The following EXOC6B variants were observed in gnomAD, a reference collection of about 807,000 sequenced individuals.
EXOC6B encodes the protein exocyst complex component 6B.
In EXOC6B, 54 loss-of-function variants were observed where a neutral mutation model predicts 113.5. That is an observed-to-expected ratio of 0.48 (90% CI 0.38 to 0.60). The LOEUF is 0.60. Among genes scored for constraint, EXOC6B ranks in the 20% least tolerant of loss-of-function variants. EXOC6B has a pLI of 0.00. For synonymous variants in EXOC6B, 357 were observed against 339.0 expected, an observed-to-expected ratio of 1.05 and a Z score of -0.58; for missense variants, 797 against 977.5, an observed-to-expected ratio of 0.82 and a Z score of 2.46.
chr2:72,413,312 CA>C (rs1206746598), intron 18 of EXOC6B, among the ~76,000 whole-genome samples: 4 of 151,826 alleles, frequency 2.6e-5, no homozygotes, highest in African/African-American at 9.7e-5. Flanking sequence ...GGAGTTATTA[CA>C]ACACAGGTTT....
intron 8 of EXOC6B, among the ~76,000 whole-genome samples, chr2:72,528,278 T>C (rs942076788): frequency 3.3e-5 from 5 of 152,100 alleles, no homozygotes; most frequent in Non-Finnish European, 7.4e-5. Flanking sequence ...ATCACGCTCA[T>C]TCTCGCTCTC....
intron 18 of EXOC6B, among the ~76,000 whole-genome samples, chr2:72,401,822 A>G (rs1229587407): frequency 6.7e-6 from 1 of 149,178 alleles, no homozygotes; most frequent in East Asian, 2.0e-4. Context: ...ATTATAGCAT[A>G]AATACAAAAA....
chr2:72,190,110 A>C (rs906895595), intron 20 of EXOC6B, among the ~76,000 whole-genome samples: 1 of 149,792 alleles, frequency 6.7e-6, no homozygotes, highest in East Asian at 2.0e-4. Context: ...AGCTCACTGC[A>C]GCCTAGAACT....
At chr2:72,562,881 A>G (rs1703965574) in intron 7 of EXOC6B, among the ~76,000 whole-genome samples, 1 of 152,168 alleles carries the variant, frequency 6.6e-6, no homozygotes, top group Non-Finnish European at 1.5e-5. Flanking sequence ...GTAGCCACAA[A>G]TAGTATATTC....
At chr2:72,307,019 T>C (rs1686903858) in intron 20 of EXOC6B, among the ~76,000 whole-genome samples, 1 of 152,200 alleles carries the variant, frequency 6.6e-6, no homozygotes, top group African/African-American at 2.4e-5. Context: ...AACCTCCTAG[T>C]GTGTTTTCCC....
chr2:72,338,138 C>G (rs1688801629), intron 19 of EXOC6B, among the ~76,000 whole-genome samples: 1 of 152,110 alleles, frequency 6.6e-6, no homozygotes, highest in Non-Finnish European at 1.5e-5. Flanking sequence ...GCTCTATGGG[C>G]TTACACAATT....
intron 18 of EXOC6B, among the ~76,000 whole-genome samples, chr2:72,404,005 C>T (rs1473668510): frequency 6.6e-6 from 1 of 152,154 alleles, no homozygotes; most frequent in African/African-American, 2.4e-5. Context: ...CAGGTCACTC[C>T]CACCCTAATA....
chr2:72,353,550 T>A (rs1050552140), intron 19 of EXOC6B, among the ~76,000 whole-genome samples: 9 of 152,016 alleles, frequency 5.9e-5, no homozygotes, highest in African/African-American at 2.2e-4. Context: ...TTTTTTGTAC[T>A]TTTAGTAGAG....
chr2:72,575,639 G>A lies in EXOC6B; in HGVS notation c.699C>T (p.Ile233=), dbSNP rs764910482. Residue 233 remains isoleucine (I), a synonymous_variant, in exon 7 of 22, where the codon ATC becomes ATT. Coordinates refer to ENST00000272427, the MANE Select transcript of EXOC6B (RefSeq NM_015189.3). ...QAQQQRNLDN[I]VLQQPRIGSK... Reference sequence around the variant, plus strand: ...TACCTATTCTGGGTTGTTGCAAGACGATGTTATCCAGGTTTCTTTGCTGCT... The same window carrying A: ...TACCTATTCTGGGTTGTTGCAAGACAATGTTATCCAGGTTTCTTTGCTGCT... The A allele has an allele frequency of 2.9e-5, 46 of 1,601,256 alleles. No individual in the cohort carries two copies. Among genetic ancestry groups the A allele is most frequent in the Admixed American group, 2.3e-4 (13 of 57,522 alleles).
intron 6 of EXOC6B, among the ~76,000 whole-genome samples, chr2:72,601,261 C>A (rs1670422147): frequency 6.6e-6 from 1 of 151,922 alleles, no homozygotes; most frequent in Admixed American, 6.6e-5. Flanking sequence ...CAGCTCACTG[C>A]AAGCTCCACC....
At chr2:72,771,424 T>C (rs1245185932) in intron 1 of EXOC6B, among the ~76,000 whole-genome samples, 5 of 152,302 alleles carry the variant, frequency 3.3e-5, no homozygotes, top group Non-Finnish European at 7.4e-5. Flanking sequence ...CTATAGTCTG[T>C]ACCTCCTCTC....
intron 2 of EXOC6B, among the ~76,000 whole-genome samples, chr2:72,734,030 C>A (rs868200577): frequency 3.3e-5 from 5 of 152,252 alleles, no homozygotes; most frequent in Admixed American, 2.0e-4. Flanking sequence ...AACACACACA[C>A]AAATACACAC....
intron 18 of EXOC6B, among the ~76,000 whole-genome samples, chr2:72,408,362 CTACTT>C (rs1693928347): frequency 6.6e-6 from 1 of 152,160 alleles, no homozygotes; most frequent in South Asian, 2.1e-4. Context: ...TTGGAAAAAA[CTACTT>C]TAAAGTTCAT....
intron 6 of EXOC6B, among the ~76,000 whole-genome samples, chr2:72,647,656 C>A (rs1415204015): frequency 1.3e-5 from 2 of 152,094 alleles, no homozygotes. Flanking sequence ...CTTTGACAAA[C>A]CTGACAAAAA....
chr2:72,415,320 G>A (rs1371764741), intron 18 of EXOC6B, among the ~76,000 whole-genome samples: 1 of 148,478 alleles, frequency 6.7e-6, no homozygotes, highest in Non-Finnish European at 1.5e-5. Context: ...AAAAGCAAAA[G>A]ATGCTGAGCC....
At chr2:72,645,099 A>G (rs1673598270) in intron 6 of EXOC6B, among the ~76,000 whole-genome samples, 1 of 152,170 alleles carries the variant, frequency 6.6e-6, no homozygotes, top group East Asian at 1.9e-4. Flanking sequence ...AAGATTTACC[A>G]AGCAAATGGA....
At chr2:72,634,495 T>C (rs1267935541) in intron 6 of EXOC6B, among the ~76,000 whole-genome samples, 1 of 151,778 alleles carries the variant, frequency 6.6e-6, no homozygotes, top group African/African-American at 2.4e-5. Flanking sequence ...AAGGGCAGAG[T>C]GGGGAGCTTG....
chr2:72,459,310 T>A (rs1200230687), intron 18 of EXOC6B, among the ~76,000 whole-genome samples: 1 of 152,154 alleles, frequency 6.6e-6, no homozygotes, highest in Non-Finnish European at 1.5e-5. Context: ...AGGGATGCCC[T>A]CTCTCACCAC....
chr2:72,257,036 C>G (rs1683393151), intron 20 of EXOC6B, among the ~76,000 whole-genome samples: 1 of 152,154 alleles, frequency 6.6e-6, no homozygotes, highest in Admixed American at 6.5e-5. Flanking sequence ...TGTCCCTAGG[C>G]TGACTCCCTC....
Sources: allele counts gnomAD v4.1 joint callset (sites outside exome capture counted in the v4.1 genomes callset), GRCh38; gene constraint gnomAD v4.1.1; transcripts MANE v1.5; gene names NCBI Gene and HGNC (gene_info 2026-07-23, HGNC 2026-07-21).